Variants in KIF6 observed in about 807,000 individuals in gnomAD.
KIF6 encodes kinesin family member 6, also known as kinesin-like protein KIF6.
In KIF6, 106 loss-of-function variants were observed where a neutral mutation model predicts 112.7. The observed-to-expected ratio is 0.94, with a 90% confidence interval of 0.80 to 1.11. The LOEUF (loss-of-function observed/expected upper bound fraction) is 1.11, where lower values mean the gene tolerates loss of function less well. Ranked by LOEUF, KIF6 falls within the 50% of genes least tolerant of loss-of-function variation. KIF6 has a pLI of 0.00. For missense variants in KIF6, 929 were observed against 964.0 expected (o/e 0.96, Z 0.48); for synonymous variants, 339 against 339.9 (o/e 1.00, Z 0.03).
At chr6:39,465,208 C>A (rs993346807) in intron 13 of KIF6, among the ~76,000 whole-genome samples, 1 of 152,214 alleles carries the variant, frequency 6.6e-6, no homozygotes, top group African/African-American at 2.4e-5. Flanking sequence ...TGCAGCATCA[C>A]TGGCCATAAG....
rs181067947 is a variant in KIF6, at chr6:39,590,705, C to A, written c.847-4301G>T. Among the ~76,000 whole-genome samples the A allele has an allele frequency of 6.1e-3, 932 of 152,224 alleles. 10 individuals are homozygous for A. The highest frequency in any genetic ancestry group is 0.051 in the Middle Eastern group (15 of 292). ...ACCTCAAGTGATCCACCCACCTTTG[C>A]CTCCTAAAGTGCTGGGATTACAGGC... On this transcript the variant is annotated intron_variant, in intron 7 of 22. Coordinates refer to ENST00000287152, the MANE Select transcript of KIF6 (RefSeq NM_145027.6).
chr6:39,627,779 AT>A (rs917093200), intron 5 of KIF6, among the ~76,000 whole-genome samples: 65 of 152,162 alleles, frequency 4.3e-4, no homozygotes, highest in Non-Finnish European at 1.9e-4. Flanking sequence ...ATGCTTCCCT[AT>A]TTAGGAATAC....
At chr6:39,679,337 G>A (rs1051689035) in intron 3 of KIF6, among the ~76,000 whole-genome samples, 17 of 152,202 alleles carry the variant, frequency 1.1e-4, no homozygotes, top group African/African-American at 2.9e-4. Context: ...GCATTAGGGC[G>A]GTATTATCCT....
rs1297164092 is a variant in KIF6 at position 39,378,864 on chromosome 6, T to C, written c.1861+6758A>G. ...GATTCTTCCAGTTTTAGTCCTGCTC[T>C]GTGTGGCCATCAGAAAGCTGAGTAC... On this transcript the variant is annotated intron_variant, in intron 16 of 22. Transcript: ENST00000287152. This position sits in a 1 kb window ranked among gnomAD's most constrained non-coding sequence, Gnocchi z 5.0. Among the ~76,000 whole-genome samples the C allele has an allele frequency of 6.6e-6, 1 of 152,216 alleles. No homozygotes were observed. Among genetic ancestry groups the C allele is most frequent in the Non-Finnish European group, 1.5e-5 (1 of 68,038 alleles).
At chr6:39,649,721 TAAAGAAAGAAAGAAAG>T (rs78847578) in intron 3 of KIF6, among the ~76,000 whole-genome samples, 95 of 59,430 alleles carry the variant, frequency 1.6e-3, no homozygotes, top group African/African-American at 3.5e-3. Context: ...ACACTCTGAT[TAAAGAAAGAAAGAAAG>T]AAAGAAAGAA....
At chr6:39,337,510 A>G (rs540796405) in intron 22 of KIF6, among the ~76,000 whole-genome samples, 1 of 151,946 alleles carries the variant, frequency 6.6e-6, no homozygotes, top group South Asian at 2.1e-4. Context: ...ATGGGGTTTC[A>G]CCATGTTGTC....
At chr6:39,674,590 G>A (rs1251002734) in intron 3 of KIF6, among the ~76,000 whole-genome samples, 1 of 151,930 alleles carries the variant, frequency 6.6e-6, no homozygotes, top group African/African-American at 2.4e-5. Context: ...GTAAAATGTG[G>A]AAATGTGAAC....
chr6:39,355,407 C>T (rs1223129832), intron 19 of KIF6, among the ~76,000 whole-genome samples: 1 of 150,854 alleles, frequency 6.6e-6, no homozygotes, highest in Non-Finnish European at 1.5e-5. Context: ...AGGAAAATCT[C>T]AACCTGGTTG....
intron 2 of KIF6, 52 bp from the exon 3 acceptor site, chr6:39,714,818 C>T: frequency 3.5e-6 from 4 of 1,154,360 alleles, no homozygotes; most frequent in Non-Finnish European, 5.2e-6. Context: ...CAAACACTAT[C>T]AGATTAATAA....
At chr6:39,363,905 C>G (rs1159747733) in intron 16 of KIF6, among the ~76,000 whole-genome samples, 5 of 152,214 alleles carry the variant, frequency 3.3e-5, no homozygotes, top group African/African-American at 1.2e-4. Context: ...GAGGAGCTCA[C>G]TACTTTGCAG....
chr6:39,455,495 C>A (rs1041239177), intron 13 of KIF6, among the ~76,000 whole-genome samples: 6 of 152,116 alleles, frequency 3.9e-5, no homozygotes, highest in Admixed American at 1.3e-4. Flanking sequence ...AGTTCCTCAC[C>A]AGCAACGGAA....
chr6:39,434,995 C>A (rs1038458189), intron 13 of KIF6, among the ~76,000 whole-genome samples: 1 of 152,178 alleles, frequency 6.6e-6, no homozygotes, highest in African/African-American at 2.4e-5. Flanking sequence ...AGTTAAATTT[C>A]TCTATGATCT....
chr6:39,508,628 T>G (rs1338096144), intron 13 of KIF6, among the ~76,000 whole-genome samples: 1 of 152,038 alleles, frequency 6.6e-6, no homozygotes, highest in Non-Finnish European at 1.5e-5. Flanking sequence ...CAGTATGAGA[T>G]CAACCTGAGA....
chr6:39,415,301 T>TAAAAA (rs5875672), intron 15 of KIF6, among the ~76,000 whole-genome samples: 12 of 89,440 alleles, frequency 1.3e-4, no homozygotes, highest in East Asian at 3.7e-4. Flanking sequence ...TTTTAAAATG[T>TAAAAA]AAAAAAAAAA....
chr6:39,465,997 C>T (rs910722992), intron 13 of KIF6, among the ~76,000 whole-genome samples: 14 of 152,186 alleles, frequency 9.2e-5, no homozygotes, highest in African/African-American at 2.4e-4. Flanking sequence ...GCATAGTCCT[C>T]GGCTCTTGCC....
chr6:39,363,277 G>A (rs142727159), intron 16 of KIF6, among the ~76,000 whole-genome samples: 120 of 152,272 alleles, frequency 7.9e-4, no homozygotes, highest in African/African-American at 2.5e-3. Flanking sequence ...CCTCAGAATC[G>A]TGTCTCCTGT....
At chr6:39,602,556 A>T (rs1466302107) in intron 6 of KIF6, among the ~76,000 whole-genome samples, 1 of 152,100 alleles carries the variant, frequency 6.6e-6, no homozygotes, top group African/African-American at 2.4e-5. Flanking sequence ...ACTCTTGCTC[A>T]TTTCTTGTGT....
At chr6:39,416,920 G>T (rs1311769054) in intron 15 of KIF6, among the ~76,000 whole-genome samples, 1 of 152,082 alleles carries the variant, frequency 6.6e-6, no homozygotes, top group Non-Finnish European at 1.5e-5. Flanking sequence ...CTTGCCTCAG[G>T]GTCCAGAGGC....
chr6:39,458,601 A>G (rs979706329), intron 13 of KIF6, among the ~76,000 whole-genome samples: 2 of 144,990 alleles, frequency 1.4e-5, no homozygotes, highest in African/African-American at 5.2e-5. Flanking sequence ...TGCAGACGAC[A>G]TGATTGTTTA....
Sources: allele counts gnomAD v4.1 joint callset (sites outside exome capture counted in the v4.1 genomes callset), GRCh38; gene constraint gnomAD v4.1.1; non-coding constraint Gnocchi (gnomAD v3.1); transcripts MANE v1.5; gene names NCBI Gene and HGNC (gene_info 2026-07-23, HGNC 2026-07-21).